Variants in CDC42BPA observed in about 807,000 individuals in gnomAD.
The protein encoded by CDC42BPA is CDC42 binding protein kinase alpha.
A neutral mutation model predicts 223.5 loss-of-function variants in CDC42BPA; 80 were observed. The observed-to-expected ratio is 0.36, with a 90% CI of 0.30 to 0.43. The LOEUF is 0.43. Ranked by LOEUF, CDC42BPA falls within the 20% of genes least tolerant of loss-of-function variation. The probability of loss-of-function intolerance (pLI) is 1.00; values close to 1 mark genes in which losing one functional copy is unlikely to be tolerated. For synonymous variants in CDC42BPA, 694 were observed against 718.6 expected (o/e 0.97, Z 0.55); for missense variants, 1,743 against 2,099.9 (o/e 0.83, Z 3.32).
At chr1:227,124,253 A>G (rs1000305633) in intron 11 of CDC42BPA, among the ~76,000 whole-genome samples, 3 of 152,138 alleles carry the variant, frequency 2.0e-5, no homozygotes, top group Non-Finnish European at 4.4e-5. Context: ...ATTTTTTTCC[A>G]GAAACTTAAA....
At chr1:227,005,223 T>A in intron 34 of CDC42BPA, 112 bp from the exon 35 acceptor site, 1 of 747,390 alleles carries the variant, frequency 1.3e-6, no homozygotes, top group Non-Finnish European at 2.3e-6. Context: ...TTGACCAGAA[T>A]GACACAGAGT....
chr1:227,045,678 TTG>T (rs1672301938), intron 23 of CDC42BPA, among the ~76,000 whole-genome samples: 2 of 152,260 alleles, frequency 1.3e-5, no homozygotes, highest in Admixed American at 1.3e-4. Context: ...CAAATTTATC[TTG>T]TGACTCATCT....
chr1:227,133,319 C>T (rs554101738), intron 10 of CDC42BPA, among the ~76,000 whole-genome samples: 12 of 150,038 alleles, frequency 8.0e-5, no homozygotes, highest in East Asian at 2.0e-4. Flanking sequence ...CCCGGCCAGC[C>T]GCCCAGTCCG....
chr1:227,072,182 A>C, intron 20 of CDC42BPA, 26 bp downstream of exon 20: 1 of 1,252,404 alleles, frequency 8.0e-7, no homozygotes, highest in Non-Finnish European at 1.1e-6. Context: ...GTAAGTCCTG[A>C]GTGAGGCAAA....
At chr1:227,138,791 G>A (rs1275233128) in intron 10 of CDC42BPA, among the ~76,000 whole-genome samples, 13 of 152,080 alleles carry the variant, frequency 8.5e-5, no homozygotes, top group South Asian at 8.3e-4. Context: ...AAACACAGTT[G>A]GGGTTCTGCC....
chr1:227,015,297 C>T (rs1665989150), intron 34 of CDC42BPA, among the ~76,000 whole-genome samples: 1 of 152,040 alleles, frequency 6.6e-6, no homozygotes, highest in South Asian at 2.1e-4. Flanking sequence ...GTGGTGGGTG[C>T]CTGTAATCCC....
At chr1:227,016,700 T>C (rs1666339077) in intron 33 of CDC42BPA, among the ~76,000 whole-genome samples, 1 of 152,162 alleles carries the variant, frequency 6.6e-6, no homozygotes, top group Admixed American at 6.5e-5. Flanking sequence ...GAGAAGTGAA[T>C]GAAGTGAATA....
intron 33 of CDC42BPA, 65 bp downstream of exon 33, chr1:227,016,862 A>G (rs983711864): frequency 2.1e-6 from 3 of 1,447,248 alleles, no homozygotes; most frequent in East Asian, 2.5e-5. Flanking sequence ...CAAATATAGT[A>G]TCATCACCGA....
intron 20 of CDC42BPA, among the ~76,000 whole-genome samples, chr1:227,071,391 A>T (rs1034139503): frequency 6.6e-6 from 1 of 151,908 alleles, no homozygotes; most frequent in African/African-American, 2.4e-5. Flanking sequence ...ATATCCCTTT[A>T]TTTTAAAAAT....
At chr1:227,313,393 A>G (rs1287442486) in intron 1 of CDC42BPA, among the ~76,000 whole-genome samples, 2 of 152,210 alleles carry the variant, frequency 1.3e-5, no homozygotes, top group Non-Finnish European at 2.9e-5. Flanking sequence ...TTAAAAAGAG[A>G]GAGACAAACA....
chr1:227,083,018 A>T (rs543234940), intron 16 of CDC42BPA, among the ~76,000 whole-genome samples: 1 of 152,150 alleles, frequency 6.6e-6, no homozygotes, highest in South Asian at 2.1e-4. Flanking sequence ...GATTTGTCTA[A>T]GTGGGGTCTG....
chr1:227,056,752 G>A (rs2148913179), intron 21 of CDC42BPA, among the ~76,000 whole-genome samples: 1 of 152,254 alleles, frequency 6.6e-6, no homozygotes, highest in African/African-American at 2.4e-5. Context: ...AAACAAAGTA[G>A]AAGGTAATTT....
intron 3 of CDC42BPA, among the ~76,000 whole-genome samples, chr1:227,206,800 C>T (rs1179492719): frequency 6.6e-6 from 1 of 152,134 alleles, no homozygotes; most frequent in Non-Finnish European, 1.5e-5. Context: ...ATCAGTCTTG[C>T]ATCCCAACAA....
At chr1:227,167,481 C>A (rs757153079) in intron 5 of CDC42BPA, among the ~76,000 whole-genome samples, 9 of 152,182 alleles carry the variant, frequency 5.9e-5, no homozygotes, top group African/African-American at 9.6e-5. Flanking sequence ...ATACCACTTT[C>A]TTCTCTATTT....
intron 15 of CDC42BPA, among the ~76,000 whole-genome samples, chr1:227,094,828 A>C (rs1195388821): frequency 6.6e-6 from 1 of 152,190 alleles, no homozygotes; most frequent in Non-Finnish European, 1.5e-5. Flanking sequence ...GAGATATTTG[A>C]CTTACTGAGC....
intron 17 of CDC42BPA, among the ~76,000 whole-genome samples, chr1:227,074,894 A>G (rs567285377): frequency 6.6e-6 from 1 of 152,226 alleles, no homozygotes; most frequent in Non-Finnish European, 1.5e-5. Flanking sequence ...ATTAAAGTCT[A>G]CCAAAACCTA....
intron 1 of CDC42BPA, among the ~76,000 whole-genome samples, chr1:227,282,018 C>T (rs1380583153): frequency 1.3e-5 from 2 of 151,898 alleles, no homozygotes; most frequent in East Asian, 1.9e-4. Flanking sequence ...GGAGAAACCC[C>T]GTCTCTACTA....
At chr1:227,133,973 G>GAATAAAAAAATAAATAAATA in intron 10 of CDC42BPA, among the ~76,000 whole-genome samples, 1 of 146,378 alleles carries the variant, frequency 6.8e-6, no homozygotes, top group South Asian at 2.2e-4. Context: ...AAAAATAAAT[G>GAATAAAAAAATAAATAAATA]AATAAATAAA....
chr1:227,276,784 T>C (rs1043895493), intron 1 of CDC42BPA, among the ~76,000 whole-genome samples: 4 of 152,174 alleles, frequency 2.6e-5, no homozygotes, highest in African/African-American at 4.8e-5. Context: ...CCCCCAACCC[T>C]GTGCTCTCTG....
Sources: allele counts gnomAD v4.1 joint callset (sites outside exome capture counted in the v4.1 genomes callset), GRCh38; gene constraint gnomAD v4.1.1; transcripts MANE v1.5; gene names NCBI Gene and HGNC (gene_info 2026-07-23, HGNC 2026-07-21).